ARL15: variants seen among roughly 807,000 people sequenced by gnomAD.
The protein encoded by ARL15 is ADP-ribosylation factor-like protein 15.
Under a neutral mutation model 25.2 loss-of-function variants are expected in ARL15, and 19 were observed. The observed-to-expected ratio is 0.75, with a 90% CI of 0.53 to 1.10. The LOEUF is 1.10. ARL15 is among the 50% of genes least tolerant of loss of function. The pLI, the probability that ARL15 is intolerant of heterozygous loss-of-function variation, is 0.00. For synonymous variants in ARL15, 94 were observed against 86.8 expected (o/e 1.08, Z -0.46); for missense variants, 220 against 246.0 (o/e 0.89, Z 0.71).
chr5:54,156,054 A>G (rs1249280248), intron 2 of ARL15, among the ~76,000 whole-genome samples: 2 of 152,246 alleles, frequency 1.3e-5, no homozygotes, highest in African/African-American at 4.8e-5. Flanking sequence ...AAAAATATAT[A>G]AAGTATTACA....
Position 53,884,602 on chromosome 5 carries a change from C to T in ARL15, c.*1959G>A, listed in dbSNP as rs1282689654. The T allele has an allele frequency of 1.3e-5, 2 of 151,976 alleles. No individual in the cohort carries two copies. The highest frequency in any genetic ancestry group is 4.8e-5 in the African/African-American group (2 of 41,336). The allele number at this position is 151,976 out of a possible 1,614,324, so 9.4% of individuals were successfully genotyped here. On this transcript the variant is annotated 3_prime_UTR_variant, in exon 5 of 5. Transcript: ENST00000504924. ...GTTGGGTACTGATTGATAATGTTTT[C>T]ATTCTGACGGCTGAGACGCTGCAGA...
chr5:54,025,266 A>C (rs1272877920), intron 4 of ARL15, among the ~76,000 whole-genome samples: 1 of 146,918 alleles, frequency 6.8e-6, no homozygotes, highest in Non-Finnish European at 1.5e-5. Flanking sequence ...ATATGATATG[A>C]TTGCAGAGAG....
At chr5:53,893,070 G>C (rs972817716) in intron 4 of ARL15, among the ~76,000 whole-genome samples, 3 of 152,064 alleles carry the variant, frequency 2.0e-5, no homozygotes, top group African/African-American at 7.2e-5. Context: ...TTAATCACTA[G>C]AGTAGATAGA....
chr5:54,244,861 G>A (rs1307270686), intron 1 of ARL15, among the ~76,000 whole-genome samples: 1 of 151,460 alleles, frequency 6.6e-6, no homozygotes, highest in Non-Finnish European at 1.5e-5. Flanking sequence ...AGCACTACTG[G>A]TGTTTTCAGC....
intron 4 of ARL15, among the ~76,000 whole-genome samples, chr5:54,046,387 G>A (rs1156518748): frequency 6.6e-6 from 1 of 152,080 alleles, no homozygotes; most frequent in African/African-American, 2.4e-5. Flanking sequence ...AGGCTGAGGT[G>A]GGAGAATCAC....
Position 54,297,536 on chromosome 5 carries a change from C to T in ARL15, c.48+12896G>A, listed in dbSNP as rs146453047. Among the ~76,000 whole-genome samples the T allele has an allele frequency of 6.6e-4, 100 of 152,338 alleles. 1 individual carries two copies. The highest frequency in any genetic ancestry group is 2.4e-3 in the African/African-American group (100 of 41,582). On this transcript the variant is annotated intron_variant, in intron 1 of 4. Transcript: ENST00000504924. The stretch of plus-strand genomic sequence containing the variant: ...TTGTATAGTAATCTGGATGCATTGT[C>T]AGTAAAGCTAAAATGGGCTCTGTGA...
chr5:54,184,207 AC>A (rs1468854886), intron 1 of ARL15, among the ~76,000 whole-genome samples: 1 of 137,422 alleles, frequency 7.3e-6, no homozygotes, highest in Non-Finnish European at 1.6e-5. Context: ...TATGTAACTA[AC>A]CTGCACAATG....
At position 54,038,562 on chromosome 5, in the gene ARL15, T is replaced by C. The variant is rs565895848; in HGVS notation, c.462+74640A>G. ...AAACAATGAAATACCTTAAAGGTAA[T>C]TGAATAATTGAACAGTGAAATAAAC... On this transcript the variant is annotated intron_variant, in intron 4 of 4. Coordinates refer to ENST00000504924, the MANE Select transcript of ARL15 (RefSeq NM_019087.3). 2.8e-4 allele frequency among the ~76,000 whole-genome samples: 43 copies of C among 152,034 alleles called. No homozygotes were observed. The South Asian group carries it at 5.0e-3, about 18-fold the overall frequency.
chr5:54,055,844 A>C (rs1322214154), intron 4 of ARL15, among the ~76,000 whole-genome samples: 3 of 152,086 alleles, frequency 2.0e-5, no homozygotes, highest in Admixed American at 1.3e-4. Context: ...TACACTTGTC[A>C]CATTGTATTA....
rs1001308824 is a variant in ARL15 at position 53,887,321 on chromosome 5, C to A, written c.463-608G>T. On this transcript the variant is annotated intron_variant, in intron 4 of 4. Coordinates refer to ENST00000504924, the MANE Select transcript of ARL15 (RefSeq NM_019087.3). ...ATGTTTGTATGCATATACACACTTA[C>A]ATAAATTTACATATATGCGTAAAAT... The A allele has an allele frequency of 1.1e-5, 8 of 697,458 alleles. No homozygotes were observed. In the African/African-American group the frequency reaches 1.4e-4, roughly 12 times the overall value. The allele number at this position is 697,458 out of a possible 1,614,324, so 43.2% of individuals were successfully genotyped here. A position where few individuals can be genotyped will look rare whatever the true frequency, so the allele number is the denominator to read the frequency against.
At chr5:54,159,668 C>T (rs571180889) in intron 2 of ARL15, among the ~76,000 whole-genome samples, 1 of 152,224 alleles carries the variant, frequency 6.6e-6, no homozygotes, top group Non-Finnish European at 1.5e-5. Context: ...CTAAGTTACG[C>T]AGTCATTTTT....
chr5:54,017,389 T>C (rs1038069616), intron 4 of ARL15, among the ~76,000 whole-genome samples: 12 of 152,180 alleles, frequency 7.9e-5, no homozygotes, highest in African/African-American at 2.6e-4. Flanking sequence ...TTCTAAGGCA[T>C]TGACACAGAG....
chr5:54,025,581 T>C (rs1300233742), intron 4 of ARL15, among the ~76,000 whole-genome samples: 2 of 152,190 alleles, frequency 1.3e-5, no homozygotes, highest in African/African-American at 4.8e-5. Flanking sequence ...CAATACCAAG[T>C]GATAAGGGAT....
intron 1 of ARL15, among the ~76,000 whole-genome samples, chr5:54,303,532 G>A (rs1561301902): frequency 1.3e-5 from 2 of 151,028 alleles, no homozygotes; most frequent in African/African-American, 4.9e-5. Context: ...AGAAAAGCAA[G>A]AAACAAACAA....
rs1481663815 is a variant in ARL15, at chr5:53,884,470, G to C, written c.*2091C>G. On this transcript the variant is annotated 3_prime_UTR_variant, in exon 5 of 5. Coordinates refer to ENST00000504924, the MANE Select transcript of ARL15 (RefSeq NM_019087.3). ...TAGGGTTACAAGGACAGGATGCCGC[G>C]CGGAAGCAGCAAGACAGCGAGCTCC... 4 of 151,560 alleles carry C rather than the reference G, an allele frequency of 2.6e-5. No homozygotes were observed. The highest frequency in any genetic ancestry group is 5.9e-5 in the Non-Finnish European group (4 of 67,992). 9.4% of individuals were successfully genotyped at this position (151,560 alleles called of 1,614,324 possible).
intron 4 of ARL15, among the ~76,000 whole-genome samples, chr5:54,063,124 GA>G (rs1284194091): frequency 6.6e-6 from 1 of 151,492 alleles, no homozygotes; most frequent in African/African-American, 2.4e-5. Context: ...AGAGAGGGGG[GA>G]AAAACCCCTA....
intron 1 of ARL15, among the ~76,000 whole-genome samples, chr5:54,206,403 CAG>C (rs1221671012): frequency 2.6e-5 from 4 of 152,120 alleles, no homozygotes; most frequent in Non-Finnish European, 5.9e-5. Flanking sequence ...CAATAGTAAA[CAG>C]AGTCAGAAAT....
chr5:54,005,891 T>C (rs1749021552), intron 4 of ARL15, among the ~76,000 whole-genome samples: 2 of 122,814 alleles, frequency 1.6e-5, no homozygotes, highest in African/African-American at 6.2e-5. Context: ...AACCCAAAAA[T>C]AGCCAGGTGT....
chr5:54,231,759 T>C (rs1384633856), intron 1 of ARL15, among the ~76,000 whole-genome samples: 1 of 152,212 alleles, frequency 6.6e-6, no homozygotes, highest in Non-Finnish European at 1.5e-5. Flanking sequence ...CTTTCCTTGG[T>C]GCATGAGTGT....
Sources: allele counts gnomAD v4.1 joint callset (sites outside exome capture counted in the v4.1 genomes callset), GRCh38; gene constraint gnomAD v4.1.1; transcripts MANE v1.5; gene names NCBI Gene and HGNC (gene_info 2026-07-23, HGNC 2026-07-21).